VASH2: variants seen among roughly 807,000 people sequenced by gnomAD.
The protein encoded by VASH2 is vasohibin 2.
VASH2 carries 28 observed loss-of-function variants against 37.2 expected under a neutral mutation model. That is an observed-to-expected ratio of 0.75 (90% CI 0.56 to 1.03). VASH2 has a LOEUF of 1.03. VASH2 is among the 50% of genes least tolerant of loss of function. The pLI is 0.00. For synonymous variants in VASH2, 188 were observed against 174.7 expected (o/e 1.08, Z -0.60); for missense variants, 419 against 459.1 (o/e 0.91, Z 0.80).
chr1:212,987,258 CTTT>C (rs148744740), intron 7 of VASH2, among the ~76,000 whole-genome samples: 2 of 140,274 alleles, frequency 1.4e-5, no homozygotes, highest in Admixed American at 7.1e-5. Flanking sequence ...TCTTTTTGGT[CTTT>C]TTTTTTTTTT....
chr1:212,977,627 C>T (rs17020073), intron 7 of VASH2, among the ~76,000 whole-genome samples: 4,663 of 152,088 alleles, frequency 0.031, 242 homozygotes, highest in African/African-American at 0.11. Flanking sequence ...AAGGACTGTA[C>T]CTTAAGTGGC....
At chr1:212,967,229 G>C in intron 5 of VASH2, 2 of 1,300,152 alleles carry the variant, frequency 1.5e-6, no homozygotes, top group South Asian at 2.5e-5. Flanking sequence ...TGATGGCATC[G>C]ACATATTGGT....
At chr1:212,961,092 C>A (rs2102627758) in intron 2 of VASH2, 74 bp from the exon 3 acceptor site, 1 of 1,464,424 alleles carries the variant, frequency 6.8e-7, no homozygotes, top group Non-Finnish European at 9.5e-7. Context: ...GGCTTTAGCC[C>A]TCTGCCTGCC....
At position 212,982,350 on chromosome 1, in the gene VASH2, A is replaced by T. The variant is rs116482248; in HGVS notation, c.996-6162A>T. 2.5e-3 allele frequency among the ~76,000 whole-genome samples: 379 copies of T among 152,344 alleles called. 1 individual carries two copies. The highest frequency in any genetic ancestry group is 0.01 in the Middle Eastern group (3 of 294). ...AACCTTGAAAAAAGAAAATTCTTTC[A>T]TTTCTTTGCCTTGTTTGGAGGAGGA... On this transcript the variant is annotated intron_variant, in intron 7 of 7. Coordinates refer to ENST00000517399, the MANE Select transcript of VASH2 (RefSeq NM_001301056.2).
At chr1:212,981,042 T>C (rs1250828878) in intron 7 of VASH2, among the ~76,000 whole-genome samples, 1 of 151,960 alleles carries the variant, frequency 6.6e-6, no homozygotes, top group African/African-American at 2.4e-5. Flanking sequence ...CTCCCCAGGG[T>C]CACATAGGGT....
chr1:212,968,692 T>C (rs1004320382), intron 5 of VASH2: 1 of 985,442 alleles, frequency 1.0e-6, no homozygotes, highest in African/African-American at 1.7e-5. Flanking sequence ...GGGCAGCAGA[T>C]GGCTCAGGGC....
At chr1:212,980,594 A>G (rs1170853851) in intron 7 of VASH2, among the ~76,000 whole-genome samples, 1 of 152,226 alleles carries the variant, frequency 6.6e-6, no homozygotes, top group Non-Finnish European at 1.5e-5. Context: ...GAGCTGGACA[A>G]TGGAATTCCT....
chr1:212,964,427 G>A (rs1666774267), intron 3 of VASH2, among the ~76,000 whole-genome samples: 1 of 152,162 alleles, frequency 6.6e-6, no homozygotes. Flanking sequence ...TTCCCGATGT[G>A]CACTTTTCCT....
chr1:212,984,485 G>A lies in VASH2; in HGVS notation c.996-4027G>A, dbSNP rs184389147. On this transcript the variant is annotated intron_variant, in intron 7 of 7. Coordinates refer to ENST00000517399, the MANE Select transcript of VASH2 (RefSeq NM_001301056.2). ...CACTGACTTTCTAGGAGAGACTGTC[G>A]GGCACAGGACTGAGGGAGAGATAAC... 2.3e-3 allele frequency among the ~76,000 whole-genome samples: 352 copies of A among 152,176 alleles called. 1 individual carries two copies. The highest frequency in any genetic ancestry group is 3.7e-3 in the Non-Finnish European group (249 of 68,008).
chr1:212,969,183 G>A (rs889296600), intron 5 of VASH2: 16 of 980,936 alleles, frequency 1.6e-5, no homozygotes, highest in Non-Finnish European at 1.8e-5. Flanking sequence ...ACACAGATCC[G>A]AATTCTTCTT....
rs1666575388 is a variant in VASH2, at chr1:212,958,792, C to T, written c.277-2374C>T. Among the ~76,000 whole-genome samples, 4 of 152,134 alleles carry T rather than the reference C, an allele frequency of 2.6e-5. No homozygotes were observed. The South Asian group carries it at 8.3e-4, about 32-fold the overall frequency. On this transcript the variant is annotated intron_variant, in intron 2 of 7. Transcript: ENST00000517399. ...GCGGTGGCCCATTTATGGCTCACTG[C>T]AGCCTTGACCCCCTGGGCTCAAGCC...
chr1:212,973,735 G>A (rs1267952734), intron 6 of VASH2: 8 of 1,338,172 alleles, frequency 6.0e-6, no homozygotes, highest in African/African-American at 3.0e-5. Flanking sequence ...GTGACCATCT[G>A]TATATCTGTC....
chr1:212,966,131 C>A, intron 4 of VASH2, 140 bp from the exon 5 acceptor site: 1 of 724,796 alleles, frequency 1.4e-6, no homozygotes. Flanking sequence ...TGGTGCCTTC[C>A]TGCAAGGTGA....
intron 5 of VASH2, chr1:212,967,436 G>T: frequency 4.2e-6 from 5 of 1,178,386 alleles, no homozygotes; most frequent in Non-Finnish European, 5.3e-6. Context: ...GGCTGTAAGG[G>T]ACAGTGGAAA....
At chr1:212,975,331 T>C (rs59755371) in intron 7 of VASH2, among the ~76,000 whole-genome samples, 2,944 of 152,342 alleles carry the variant, frequency 0.019, 44 homozygotes, top group East Asian at 0.041. Context: ...CACGAGGGCC[T>C]TGGTGACAAT....
chr1:212,951,937 CCCTT>C lies in VASH2; in HGVS notation c.276+123_276+126del. The C allele has an allele frequency of 8.5e-7, 1 of 1,182,110 alleles. No individual in the cohort carries two copies. Among genetic ancestry groups the C allele is most frequent in the African/African-American group, 1.5e-5 (1 of 65,814 alleles). 73.2% of individuals were successfully genotyped at this position (1,182,110 alleles called of 1,614,324 possible). A position where few individuals can be genotyped will look rare whatever the true frequency, so the allele number is the denominator to read the frequency against. On this transcript the variant is annotated intron_variant, in intron 2 of 7. Coordinates refer to ENST00000517399, the MANE Select transcript of VASH2 (RefSeq NM_001301056.2). This position sits in a 1 kb window ranked among gnomAD's most constrained non-coding sequence, Gnocchi z 4.4. ...CATTTTCCTAGTCCTGCTACAAACT[CCCTT>C]CCTCTCCCCATTCCTTCCTGCCAGC...
At chr1:212,961,093 T>C (rs1553272815) in intron 2 of VASH2, 73 bp from the exon 3 acceptor site, 2 of 1,473,738 alleles carry the variant, frequency 1.4e-6, no homozygotes, top group South Asian at 1.1e-5. Flanking sequence ...GCTTTAGCCC[T>C]CTGCCTGCCC....
At chr1:212,952,585 T>C (rs1666350838) in intron 2 of VASH2, 1 of 152,258 alleles carries the variant, frequency 6.6e-6, no homozygotes, top group African/African-American at 2.4e-5. Flanking sequence ...CCATTTGGGT[T>C]TGGTGGCTAA....
intron 7 of VASH2, among the ~76,000 whole-genome samples, chr1:212,987,237 C>T (rs1386612158): frequency 6.6e-6 from 1 of 151,076 alleles, no homozygotes; most frequent in African/African-American, 2.4e-5. Context: ...AACCTTCTAA[C>T]AATTATATTT....
Sources: allele counts gnomAD v4.1 joint callset (sites outside exome capture counted in the v4.1 genomes callset), GRCh38; gene constraint gnomAD v4.1.1; non-coding constraint Gnocchi (gnomAD v3.1); transcripts MANE v1.5; gene names NCBI Gene and HGNC (gene_info 2026-07-23, HGNC 2026-07-21).